The following GRM7 variants were observed in gnomAD, a reference collection of about 807,000 sequenced individuals.
GRM7 encodes glutamate metabotropic receptor 7, also known as metabotropic glutamate receptor 7.
GRM7 carries 35 observed loss-of-function variants against 84.5 expected under a neutral mutation model. The ratio of observed to expected loss-of-function variants is 0.41; its 90% CI spans 0.32 to 0.55. The LOEUF (loss-of-function observed/expected upper bound fraction) is 0.55. Among genes scored for constraint, GRM7 ranks in the 20% least tolerant of loss-of-function variants. The pLI is 0.19. For synonymous variants in GRM7, 487 were observed against 455.1 expected (o/e 1.07, Z -0.89); for missense variants, 1,003 against 1,194.6 (o/e 0.84, Z 2.36).
chr3:7,225,995 C>T (rs1019813398), intron 2 of GRM7, among the ~76,000 whole-genome samples: 1 of 151,976 alleles, frequency 6.6e-6, no homozygotes, highest in African/African-American at 2.4e-5. Flanking sequence ...AACATTAGTC[C>T]CTTTCTTTGG....
At chr3:7,293,914 A>T (rs1165119100) in intron 2 of GRM7, among the ~76,000 whole-genome samples, 2 of 152,228 alleles carry the variant, frequency 1.3e-5, no homozygotes, top group Admixed American at 1.3e-4. Flanking sequence ...TCTTTCCAGC[A>T]GGTACAATTC....
At chr3:6,941,504 G>A (rs889382995) in intron 1 of GRM7, among the ~76,000 whole-genome samples, 1 of 152,162 alleles carries the variant, frequency 6.6e-6, no homozygotes, top group Non-Finnish European at 1.5e-5. Context: ...AGAAATTGAG[G>A]ATGAAGAACA....
At chr3:7,006,876 A>G (rs1315980968) in intron 1 of GRM7, among the ~76,000 whole-genome samples, 1 of 152,240 alleles carries the variant, frequency 6.6e-6, no homozygotes, top group Non-Finnish European at 1.5e-5. Flanking sequence ...GGGATAAAAA[A>G]GGTGACTTTC....
intron 1 of GRM7, among the ~76,000 whole-genome samples, chr3:7,084,680 G>A (rs192174861): frequency 6.6e-6 from 1 of 152,086 alleles, no homozygotes; most frequent in Admixed American, 6.6e-5. Flanking sequence ...AAGTAGAGCC[G>A]TTGGGCAGGT....
At chr3:7,737,507 TAA>T (rs1702544943) in intron 9 of GRM7, among the ~76,000 whole-genome samples, 1 of 152,196 alleles carries the variant, frequency 6.6e-6, no homozygotes, top group Non-Finnish European at 1.5e-5. Flanking sequence ...TTCCTGACCA[TAA>T]ACTACATTTC....
chr3:7,578,538 C>G lies in GRM7; in HGVS notation c.1632C>G (p.Thr544=), dbSNP rs536770511. ...KTQKGTPCCW[T]CEPCDGYQYQ... is the part of the protein sequence containing the mutation. ...AGAAAGGAACTCCTTGCTGTTGGAC[C>G]TGTGAGCCTTGCGATGGTTACCAGT... The change falls in exon 8 of 10, where the codon ACC becomes ACG. Residue 544 remains threonine (T), a synonymous_variant. Transcript: ENST00000357716. 1.2e-6 allele frequency: 2 copies of G among 1,613,994 alleles called. No individual in the cohort carries two copies. The highest frequency in any genetic ancestry group is 1.7e-6 in the Non-Finnish European group (2 of 1,179,894).
rs1699342682 is a variant in GRM7 at position 7,486,900 on chromosome 3, A to G, written c.1515+25178A>G. 6.6e-6 allele frequency among the ~76,000 whole-genome samples: 1 copy of G among 152,178 alleles called. No homozygotes were observed. Among genetic ancestry groups the G allele is most frequent in the Admixed American group, 6.6e-5 (1 of 15,264 alleles). ...AAGGAGCAGACTAGAAAAAGCCTAG[A>G]TTCTTGTGAGGACATAGAAGACGAG... On this transcript the variant is annotated intron_variant, in intron 7 of 9. Coordinates refer to ENST00000357716, the MANE Select transcript of GRM7 (RefSeq NM_000844.4). This position sits in a 1 kb window ranked among gnomAD's most constrained non-coding sequence, Gnocchi z 5.5.
chr3:7,722,552 T>C (rs1461695054), intron 9 of GRM7, among the ~76,000 whole-genome samples: 3 of 151,668 alleles, frequency 2.0e-5, no homozygotes, highest in African/African-American at 4.8e-5. Flanking sequence ...AAGAGATTGT[T>C]CTGCCTTAGA....
chr3:7,535,938 G>A (rs1340730207), intron 7 of GRM7, among the ~76,000 whole-genome samples: 1 of 152,314 alleles, frequency 6.6e-6, no homozygotes, highest in Non-Finnish European at 1.5e-5. Context: ...TCTGCGTAAG[G>A]TGGGAAGTAA....
intron 1 of GRM7, among the ~76,000 whole-genome samples, chr3:7,073,209 G>C (rs547568536): frequency 9.9e-5 from 15 of 152,022 alleles, no homozygotes; most frequent in African/African-American, 3.6e-4. Context: ...CTTTCAGATT[G>C]ATATGGTGAT....
At chr3:7,150,846 C>A (rs1694264796) in intron 2 of GRM7, among the ~76,000 whole-genome samples, 1 of 152,170 alleles carries the variant, frequency 6.6e-6, no homozygotes, top group South Asian at 2.1e-4. Flanking sequence ...AATTCCAGAT[C>A]CTTTTAACCA....
At chr3:7,470,695 A>T (rs1698665298) in intron 7 of GRM7, among the ~76,000 whole-genome samples, 2 of 152,198 alleles carry the variant, frequency 1.3e-5, no homozygotes, top group African/African-American at 4.8e-5. Flanking sequence ...TACTATCTGC[A>T]TTTTGGGCTC....
At chr3:7,254,490 A>G (rs1248273436) in intron 2 of GRM7, among the ~76,000 whole-genome samples, 1 of 152,236 alleles carries the variant, frequency 6.6e-6, no homozygotes, top group East Asian at 1.9e-4. Flanking sequence ...TTTCCTGTAC[A>G]GGGCCATGTA....
At position 7,660,024 on chromosome 3, in the gene GRM7, C is replaced by A. The variant is rs569956197; in HGVS notation, c.2452-20025C>A. On this transcript the variant is annotated intron_variant, in intron 8 of 9. Coordinates refer to ENST00000357716, the MANE Select transcript of GRM7 (RefSeq NM_000844.4). ...AAAACTGAAGTTCTGTTTACCAAGA[C>A]AGAATAGATGAAAACCAAATAGGTA... Among the ~76,000 whole-genome samples, 100 of 152,106 alleles carry A rather than the reference C, an allele frequency of 6.6e-4. 1 individual carries two copies. The highest frequency in any genetic ancestry group is 1.2e-3 in the Non-Finnish European group (81 of 68,022).
intron 2 of GRM7, among the ~76,000 whole-genome samples, chr3:7,287,707 C>G (rs1401714217): frequency 6.6e-6 from 1 of 151,768 alleles, no homozygotes; most frequent in Non-Finnish European, 1.5e-5. Context: ...ACATACATAC[C>G]GATAAATAGC....
chr3:7,399,683 T>C (rs1037497712), intron 4 of GRM7, among the ~76,000 whole-genome samples: 2 of 152,204 alleles, frequency 1.3e-5, no homozygotes, highest in Non-Finnish European at 2.9e-5. Flanking sequence ...CTGTAATGAA[T>C]GAATTCTTGC....
At chr3:6,994,619 C>G (rs1284260540) in intron 1 of GRM7, among the ~76,000 whole-genome samples, 1 of 152,132 alleles carries the variant, frequency 6.6e-6, no homozygotes, top group Non-Finnish European at 1.5e-5. Flanking sequence ...GATGTTTATT[C>G]TGGACATGGT....
chr3:7,010,259 T>A (rs1695326050), intron 1 of GRM7, among the ~76,000 whole-genome samples: 1 of 152,128 alleles, frequency 6.6e-6, no homozygotes, highest in Admixed American at 6.6e-5. Flanking sequence ...GAACCCAGCC[T>A]GGGCAACACG....
At position 7,740,418 on chromosome 3, in the gene GRM7, C is replaced by G. The variant is rs755323895; in HGVS notation, c.*12C>G. 2.1e-6 allele frequency: 3 copies of G among 1,436,078 alleles called. No homozygotes were observed. The highest frequency in any genetic ancestry group is 1.2e-5 in the South Asian group (1 of 82,216). The allele number at this position is 1,436,078 out of a possible 1,614,324, so 89.0% of individuals were successfully genotyped here. ...ACCTGGTTATCTAACCTGTTCCATT[C>G]CATGGAACCATGGAGGAGGAAGACC... On this transcript the variant is annotated 3_prime_UTR_variant, in exon 10 of 10. Transcript: ENST00000357716.
Sources: allele counts gnomAD v4.1 joint callset (sites outside exome capture counted in the v4.1 genomes callset), GRCh38; gene constraint gnomAD v4.1.1; non-coding constraint Gnocchi (gnomAD v3.1); transcripts MANE v1.5; gene names NCBI Gene and HGNC (gene_info 2026-07-23, HGNC 2026-07-21).